The following RAD18 variants were observed in gnomAD, a reference collection of about 807,000 sequenced individuals.
The protein encoded by RAD18 is E3 ubiquitin-protein ligase RAD18.
Under a neutral mutation model 60.4 loss-of-function variants are expected in RAD18, and 47 were observed. The ratio of observed to expected loss-of-function variants is 0.78; its 90% CI spans 0.62 to 0.99. The LOEUF (loss-of-function observed/expected upper bound fraction) is 0.99, where lower values mean the gene tolerates loss of function less well. RAD18 is among the 50% of genes least tolerant of loss of function. The pLI, the probability that RAD18 is intolerant of heterozygous loss-of-function variation, is 0.00. For missense variants in RAD18, 640 were observed against 593.3 expected, an observed-to-expected ratio of 1.08 and a Z score of -0.82; for synonymous variants, 225 against 195.5, an observed-to-expected ratio of 1.15 and a Z score of -1.26.
chr3:8,882,324 C>T (rs900078569), intron 12 of RAD18, among the ~76,000 whole-genome samples: 1 of 152,188 alleles, frequency 6.6e-6, no homozygotes, highest in Non-Finnish European at 1.5e-5. Context: ...GGAACGCAGG[C>T]AAAGATTCAC....
chr3:8,908,429 G>C (rs1172857565), intron 9 of RAD18, among the ~76,000 whole-genome samples: 1 of 152,068 alleles, frequency 6.6e-6, no homozygotes, highest in Non-Finnish European at 1.5e-5. Flanking sequence ...TTTGGACACA[G>C]AGACAACATA....
chr3:8,891,182 C>G (rs1405200681), intron 11 of RAD18, among the ~76,000 whole-genome samples: 1 of 151,946 alleles, frequency 6.6e-6, no homozygotes, highest in Non-Finnish European at 1.5e-5. Context: ...GGGGGTGATA[C>G]TGCTCCTACT....
chr3:8,951,827 G>A (rs1213173170), intron 2 of RAD18, among the ~76,000 whole-genome samples: 1 of 152,154 alleles, frequency 6.6e-6, no homozygotes, highest in East Asian at 1.9e-4. Flanking sequence ...GTTTTCTCAT[G>A]GTTCTGGAGG....
At chr3:8,885,147 T>C (rs1371648526) in intron 12 of RAD18, among the ~76,000 whole-genome samples, 1 of 152,170 alleles carries the variant, frequency 6.6e-6, no homozygotes, top group African/African-American at 2.4e-5. Flanking sequence ...TCCTTCTTGG[T>C]AGGCCCATAG....
Position 8,878,497 on chromosome 3 carries a change from G to A in RAD18, c.*2860C>T, listed in dbSNP as rs922128047. ...TAATTGCTACTTTCTTTTATCGGAT[G>A]CTAAGAAGTTTGAAATCCATTGTTT... On this transcript the variant is annotated 3_prime_UTR_variant, in exon 13 of 13. Coordinates refer to ENST00000264926, the MANE Select transcript of RAD18 (RefSeq NM_020165.4). 1 of 152,162 alleles carries A rather than the reference G, an allele frequency of 6.6e-6. No individual in the cohort carries two copies. The highest frequency in any genetic ancestry group is 1.5e-5 in the Non-Finnish European group (1 of 68,042). The allele number at this position is 152,162 out of a possible 1,614,324, so 9.4% of individuals were successfully genotyped here. A position where few individuals can be genotyped will look rare whatever the true frequency, so the allele number is the denominator to read the frequency against.
At chr3:8,956,865 T>C (rs150363817) in intron 2 of RAD18, among the ~76,000 whole-genome samples, 19 of 152,096 alleles carry the variant, frequency 1.2e-4, no homozygotes, top group African/African-American at 4.3e-4. Flanking sequence ...TACTTAATGG[T>C]AAAAGACTGA....
At chr3:8,932,569 G>A (rs983820906) in intron 7 of RAD18, among the ~76,000 whole-genome samples, 26 of 152,114 alleles carry the variant, frequency 1.7e-4, no homozygotes, top group Non-Finnish European at 2.4e-4. Context: ...AAATGATTCA[G>A]TCATTTGAAA....
intron 3 of RAD18, 23 bp downstream of exon 3, chr3:8,948,486 A>T (rs369562344): frequency 3.1e-6 from 5 of 1,590,900 alleles, no homozygotes; most frequent in Admixed American, 3.4e-5. Context: ...AGTAAGTTTT[A>T]AAAAAAGGAA....
chr3:8,887,873 G>C (rs927383674), intron 12 of RAD18, among the ~76,000 whole-genome samples: 1 of 152,162 alleles, frequency 6.6e-6, no homozygotes, highest in African/African-American at 2.4e-5. Context: ...CTCAGAGACA[G>C]CAACGGGCCC....
rs944775436 is a variant in RAD18 at position 8,880,534 on chromosome 3, G to C, written c.*823C>G. On this transcript the variant is annotated 3_prime_UTR_variant, in exon 13 of 13. Coordinates refer to ENST00000264926, the MANE Select transcript of RAD18 (RefSeq NM_020165.4). ...TCTAACCCATACTCAACTATCCAGA[G>C]GATACTGTTTTAAGAACATTATTGT... 2 of 152,092 alleles carry C rather than the reference G, an allele frequency of 1.3e-5. No individual in the cohort carries two copies. The highest frequency in any genetic ancestry group is 2.9e-5 in the Non-Finnish European group (2 of 68,016). The allele number at this position is 152,092 out of a possible 1,614,324, so 9.4% of individuals were successfully genotyped here.
intron 11 of RAD18, among the ~76,000 whole-genome samples, chr3:8,898,350 C>T (rs1441960925): frequency 5.3e-5 from 8 of 150,240 alleles, no homozygotes; most frequent in East Asian, 2.0e-4. Flanking sequence ...AGTGAAAGAC[C>T]GGAACAAAAA....
intron 4 of RAD18, among the ~76,000 whole-genome samples, chr3:8,943,286 A>G (rs896385735): frequency 5.9e-5 from 9 of 152,168 alleles, no homozygotes; most frequent in African/African-American, 2.2e-4. Flanking sequence ...AGGTAATCCA[A>G]AGAATAGCAT....
intron 6 of RAD18, among the ~76,000 whole-genome samples, chr3:8,937,184 C>T (rs1940667814): frequency 6.6e-6 from 1 of 152,158 alleles, no homozygotes; most frequent in Non-Finnish European, 1.5e-5. Context: ...TAGGTAGCAA[C>T]AGCTGAATCA....
chr3:8,936,595 G>A (rs1030836666), intron 6 of RAD18, among the ~76,000 whole-genome samples: 1 of 152,156 alleles, frequency 6.6e-6, no homozygotes, highest in Non-Finnish European at 1.5e-5. Context: ...TAACAAAAAT[G>A]TGCTCAAGGA....
At chr3:8,937,430 C>T (rs1327409139) in intron 6 of RAD18, among the ~76,000 whole-genome samples, 1 of 152,040 alleles carries the variant, frequency 6.6e-6, no homozygotes, top group Non-Finnish European at 1.5e-5. Flanking sequence ...ATTGATTTTT[C>T]TTCCATGATT....
chr3:8,936,709 A>T (rs1217510267), intron 6 of RAD18, among the ~76,000 whole-genome samples: 1 of 152,214 alleles, frequency 6.6e-6, no homozygotes, highest in Non-Finnish European at 1.5e-5. Flanking sequence ...AAGTTTTTAC[A>T]AAGGATTTGC....
intron 7 of RAD18, among the ~76,000 whole-genome samples, chr3:8,930,491 T>G (rs1021725673): frequency 6.6e-6 from 1 of 152,186 alleles, no homozygotes; most frequent in Non-Finnish European, 1.5e-5. Context: ...GTTGTACAAC[T>G]CTGTGAATAT....
chr3:8,898,932 T>C lies in RAD18; in HGVS notation c.1284A>G (p.Gln428=), dbSNP rs528612603. The change falls in exon 11 of 13, where the codon CAA becomes CAG. Residue 428 remains glutamine (Q), a synonymous_variant. Transcript: ENST00000264926. The stretch of plus-strand genomic sequence containing the variant: ...CTGATTCTGATGAAGAAAGAACTTC[T>C]TGAATATCAATACAGCTAGAAGAAT... ...EEDSSSCIDI[Q]EVLSSSESDS... The C allele has an allele frequency of 1.6e-5, 26 of 1,603,868 alleles. No homozygotes were observed. In the East Asian group the frequency reaches 5.8e-4, roughly 36 times the overall value.
At chr3:8,899,895 C>T (rs1314765641) in intron 10 of RAD18, among the ~76,000 whole-genome samples, 1 of 152,140 alleles carries the variant, frequency 6.6e-6, no homozygotes, top group Non-Finnish European at 1.5e-5. Context: ...TCATGTGTTT[C>T]CTCACAGAGA....
Sources: gnomAD v4.1 joint callset for allele counts (sites outside exome capture counted in the v4.1 genomes callset) on GRCh38, gnomAD v4.1.1 for gene constraint, MANE v1.5 for transcripts, NCBI Gene and HGNC (gene_info 2026-07-23, HGNC 2026-07-21) for gene names.